The following CNGB3 variants were observed in gnomAD, a reference collection of about 807,000 sequenced individuals.
CNGB3 encodes cyclic nucleotide gated channel subunit beta 3, also known as cyclic nucleotide-gated channel beta-3.
Under a neutral mutation model 92.8 loss-of-function variants are expected in CNGB3, and 86 were observed. The ratio of observed to expected loss-of-function variants is 0.93; its 90% CI spans 0.78 to 1.11. The LOEUF is 1.11. Among genes scored for constraint, CNGB3 ranks in the 50% least tolerant of loss-of-function variants. The pLI is 0.00. For synonymous variants in CNGB3, 333 were observed against 332.7 expected (o/e 1.00, Z -0.01); for missense variants, 1,026 against 956.8 (o/e 1.07, Z -0.95).
At chr8:86,677,730 T>C (rs1470886579) in intron 3 of CNGB3, among the ~76,000 whole-genome samples, 2 of 152,176 alleles carry the variant, frequency 1.3e-5, no homozygotes, top group Admixed American at 6.5e-5. Flanking sequence ...TGGCATCTTA[T>C]GCTGCACATA....
At chr8:86,576,165 A>T (rs777022477) in intron 17 of CNGB3, 35 bp from the exon 18 acceptor site, 1 of 1,596,034 alleles carries the variant, frequency 6.3e-7, no homozygotes, top group South Asian at 1.1e-5. Flanking sequence ...TGGTGTTGAA[A>T]TCGTAATTAA....
intron 10 of CNGB3, among the ~76,000 whole-genome samples, chr8:86,638,437 T>A (rs1823115987): frequency 6.6e-6 from 1 of 152,154 alleles, no homozygotes; most frequent in Non-Finnish European, 1.5e-5. Flanking sequence ...TCAGCCATTG[T>A]GGTAAATCTG....
intron 6 of CNGB3, among the ~76,000 whole-genome samples, chr8:86,656,114 C>A (rs1316703263): frequency 6.6e-6 from 1 of 152,136 alleles, no homozygotes; most frequent in Non-Finnish European, 1.5e-5. Context: ...ATGACATGCT[C>A]ATTTAATGAT....
intron 10 of CNGB3, among the ~76,000 whole-genome samples, chr8:86,643,097 T>TAC (rs3077207): frequency 0.012 from 1,790 of 149,094 alleles, 24 homozygotes; most frequent in East Asian, 0.04. Context: ...CAACTCAGGA[T>TAC]ACACACACAC....
At chr8:86,676,672 T>C (rs1041853120) in intron 3 of CNGB3, among the ~76,000 whole-genome samples, 5 of 152,224 alleles carry the variant, frequency 3.3e-5, no homozygotes, top group South Asian at 2.1e-4. Flanking sequence ...TTGTACTACA[T>C]TGAATAATAT....
intron 1 of CNGB3, among the ~76,000 whole-genome samples, chr8:86,740,822 T>C (rs1009598178): frequency 6.6e-6 from 1 of 152,128 alleles, no homozygotes; most frequent in Non-Finnish European, 1.5e-5. Flanking sequence ...ATTGATTGAG[T>C]GGCTAGTTTA....
At chr8:86,617,988 C>T (rs968892362) in intron 13 of CNGB3, among the ~76,000 whole-genome samples, 4 of 151,996 alleles carry the variant, frequency 2.6e-5, no homozygotes, top group African/African-American at 9.7e-5. Context: ...GAGCCCTGAG[C>T]TTGTTTACCT....
At chr8:86,661,659 C>A (rs1823642056) in intron 6 of CNGB3, 2 of 884,752 alleles carry the variant, frequency 2.3e-6, no homozygotes, top group Non-Finnish European at 3.8e-6. Flanking sequence ...TATTTTATAT[C>A]TCCAGCCATC....
chr8:86,674,205 TGAG>T (rs917124425), intron 3 of CNGB3, among the ~76,000 whole-genome samples: 1 of 152,232 alleles, frequency 6.6e-6, no homozygotes, highest in Non-Finnish European at 1.5e-5. Context: ...TCCCAAGATC[TGAG>T]GAGAATATTT....
In CNGB3 at chr8:86,583,657, C is replaced by T. The variant is rs1022243197; in HGVS notation, c.1782-4405G>A. ...GACTTAGACCTGGCAAGGTGACTCACGCATGTAATCTCAGCACTTTGGGAG... is the reference window on the plus strand; with the variant it reads ...GACTTAGACCTGGCAAGGTGACTCATGCATGTAATCTCAGCACTTTGGGAG... On this transcript the variant is annotated intron_variant, in intron 15 of 17. Coordinates refer to ENST00000320005, the MANE Select transcript of CNGB3 (RefSeq NM_019098.5). Among the ~76,000 whole-genome samples the T allele has an allele frequency of 3.3e-5, 5 of 152,106 alleles. No homozygotes were observed. In the East Asian group the frequency reaches 7.7e-4, roughly 24 times the overall value.
chr8:86,701,321 G>A (rs919263351), intron 3 of CNGB3, among the ~76,000 whole-genome samples: 79 of 152,224 alleles, frequency 5.2e-4, no homozygotes, highest in African/African-American at 1.9e-3. Flanking sequence ...GTCAACATTG[G>A]TAATATTACA....
At chr8:86,665,582 C>A (rs1013186593) in intron 6 of CNGB3, among the ~76,000 whole-genome samples, 15 of 152,172 alleles carry the variant, frequency 9.9e-5, no homozygotes, top group African/African-American at 3.4e-4. Flanking sequence ...GGAACGAGAT[C>A]ATGTCCTTTG....
At chr8:86,692,143 G>C (rs1652277437) in intron 3 of CNGB3, among the ~76,000 whole-genome samples, 1 of 152,112 alleles carries the variant, frequency 6.6e-6, no homozygotes, top group Admixed American at 6.5e-5. Flanking sequence ...TTCGTATTCT[G>C]TCATGTGGTC....
chr8:86,684,442 C>T (rs1270932709), intron 3 of CNGB3, among the ~76,000 whole-genome samples: 1 of 152,022 alleles, frequency 6.6e-6, no homozygotes, highest in Non-Finnish European at 1.5e-5. Flanking sequence ...TTGACAGTTT[C>T]TTATAAAGCT....
intron 6 of CNGB3, chr8:86,657,687 C>T: frequency 6.7e-6 from 3 of 447,472 alleles, no homozygotes; most frequent in Non-Finnish European, 9.0e-6. Context: ...CAGGAATTTG[C>T]CATGCCACTT....
At chr8:86,666,184 T>C (rs972282953) in intron 6 of CNGB3, among the ~76,000 whole-genome samples, 4 of 152,240 alleles carry the variant, frequency 2.6e-5, no homozygotes, top group Non-Finnish European at 5.9e-5. Context: ...TGTAATGTGA[T>C]AGAAAACAAC....
At chr8:86,637,439 C>A (rs1047733725) in intron 10 of CNGB3, among the ~76,000 whole-genome samples, 3 of 151,860 alleles carry the variant, frequency 2.0e-5, no homozygotes, top group Non-Finnish European at 4.4e-5. Context: ...TTTAGCTATT[C>A]GGGGTCTTTT....
intron 13 of CNGB3, among the ~76,000 whole-genome samples, chr8:86,612,286 T>C (rs1822536376): frequency 6.6e-6 from 1 of 152,192 alleles, no homozygotes; most frequent in Non-Finnish European, 1.5e-5. Context: ...TGGCTATAGG[T>C]CTGTATTTGT....
intron 4 of CNGB3, among the ~76,000 whole-genome samples, chr8:86,670,551 A>G (rs758371319): frequency 6.6e-5 from 10 of 152,172 alleles, no homozygotes; most frequent in Non-Finnish European, 1.2e-4. Flanking sequence ...CCCCAATGGC[A>G]GAGCAGTAGT....
Sources: allele counts gnomAD v4.1 joint callset (sites outside exome capture counted in the v4.1 genomes callset), GRCh38; gene constraint gnomAD v4.1.1; transcripts MANE v1.5; gene names NCBI Gene and HGNC (gene_info 2026-07-23, HGNC 2026-07-21).